RBFOX3: variants seen among roughly 807,000 people sequenced by gnomAD.
RBFOX3 encodes the protein RNA binding fox-1 homolog 3, also known as RNA binding protein fox-1 homolog 3.
A neutral mutation model predicts 48.7 loss-of-function variants in RBFOX3; 17 were observed. The observed-to-expected ratio is 0.35, with a 90% confidence interval of 0.24 to 0.52. The LOEUF (loss-of-function observed/expected upper bound fraction) is 0.52. RBFOX3 is among the 20% of genes least tolerant of loss of function. RBFOX3 has a pLI of 0.94. For missense variants in RBFOX3, 382 were observed against 497.5 expected (o/e 0.77, Z 2.21); for synonymous variants, 212 against 209.5 (o/e 1.01, Z -0.10).
At position 79,364,833 on chromosome 17, in the gene RBFOX3, G is replaced by A. The variant is rs76004185; in HGVS notation, c.-174-57009C>T. Among the ~76,000 whole-genome samples, 4 of 152,262 alleles carry A rather than the reference G, an allele frequency of 2.6e-5. No homozygotes were observed. In the East Asian group the frequency reaches 7.7e-4, roughly 29 times the overall value. ...CGCATGTGGCCTTACCTACAGCCTG[G>A]GTTGCTCCCTCAGCTGGAGAGGCTA... On this transcript the variant is annotated intron_variant, in intron 2 of 14. Transcript: ENST00000693108. This position sits in a 1 kb window ranked among gnomAD's most constrained non-coding sequence, Gnocchi z 5.1.
chr17:79,595,520 G>A (rs1289504609), intron 1 of RBFOX3, among the ~76,000 whole-genome samples: 1 of 152,186 alleles, frequency 6.6e-6, no homozygotes, highest in Non-Finnish European at 1.5e-5. Context: ...CCACATCCAT[G>A]GAAAGCAGCT....
intron 2 of RBFOX3, among the ~76,000 whole-genome samples, chr17:79,312,867 C>A (rs1366315268): frequency 1.3e-5 from 2 of 152,148 alleles, no homozygotes; most frequent in African/African-American, 4.8e-5. Context: ...AGAGAGCTGG[C>A]AGGAGTGGGA....
At chr17:79,289,678 T>C (rs1156447318) in intron 3 of RBFOX3, among the ~76,000 whole-genome samples, 1 of 152,248 alleles carries the variant, frequency 6.6e-6, no homozygotes, top group Non-Finnish European at 1.5e-5. Flanking sequence ...TTAAAGCTGC[T>C]TCCTGCACTC....
chr17:79,658,906 G>T, the RBFOX3 span, among the ~76,000 whole-genome samples: 1 of 152,230 alleles, frequency 6.6e-6, no homozygotes, highest in Admixed American at 6.5e-5. Flanking sequence ...AGCGCTTCCT[G>T]CACTGGGATA....
intron 4 of RBFOX3, among the ~76,000 whole-genome samples, chr17:79,176,029 AG>A (rs1261006747): frequency 6.6e-6 from 1 of 152,174 alleles, no homozygotes; most frequent in African/African-American, 2.4e-5. Context: ...TGTGAACCCC[AG>A]GAAGGGCAGG....
Position 79,482,015 on chromosome 17 carries a change from C to T in RBFOX3, c.-175+439G>A, listed in dbSNP as rs374367662. Among the ~76,000 whole-genome samples the T allele has an allele frequency of 3.1e-4, 47 of 152,246 alleles. No individual in the cohort carries two copies. Among genetic ancestry groups the T allele is most frequent in the East Asian group, 2.3e-3 (12 of 5,164 alleles). On this transcript the variant is annotated intron_variant, in intron 2 of 14. Coordinates refer to ENST00000693108, the MANE Select transcript of RBFOX3 (RefSeq NM_001350451.2). The surrounding 1 kb of genome is among the most constrained non-coding windows in gnomAD (Gnocchi z 4.1). ...CGGGGTGGGAACAGAGGCATCATGC[C>T]GTCCCCTCTAGAGCCACAGGAAGGC...
At chr17:79,268,592 AC>A (rs2067140067) in intron 3 of RBFOX3, among the ~76,000 whole-genome samples, 1 of 151,740 alleles carries the variant, frequency 6.6e-6, no homozygotes, top group African/African-American at 2.4e-5. Flanking sequence ...CTCCTTTGTG[AC>A]CCCAAGCCCC....
rs2146704686 is a variant in RBFOX3 at position 79,198,013 on chromosome 17, T to G, written c.-34+37753A>C. Reference sequence around the variant, plus strand: ...GCGCGTGCTTCTGATTTCCTAAGCATGCCGAGTGAATCCATCCCGAGTGCC... The same window carrying G: ...GCGCGTGCTTCTGATTTCCTAAGCAGGCCGAGTGAATCCATCCCGAGTGCC... On this transcript the variant is annotated intron_variant, in intron 4 of 14. Transcript: ENST00000693108. The surrounding 1 kb of genome is among the most constrained non-coding windows in gnomAD (Gnocchi z 8.2). Among the ~76,000 whole-genome samples, 1 of 152,274 alleles carries G rather than the reference T, an allele frequency of 6.6e-6. No homozygotes were observed. Among genetic ancestry groups the G allele is most frequent in the East Asian group, 1.9e-4 (1 of 5,174 alleles).
the RBFOX3 span, among the ~76,000 whole-genome samples, chr17:79,632,741 T>TAAA: frequency 2.3e-4 from 29 of 125,468 alleles, no homozygotes; most frequent in African/African-American, 5.9e-4. Context: ...ACGTATCTAC[T>TAAA]AAAAAAAAAA....
At chr17:79,632,246 G>A in the RBFOX3 span, among the ~76,000 whole-genome samples, 11 of 152,116 alleles carry the variant, frequency 7.2e-5, no homozygotes, top group Admixed American at 2.0e-4. Context: ...CGTTGTAGAC[G>A]GGTTTTCCAT....
intron 1 of RBFOX3, among the ~76,000 whole-genome samples, chr17:79,520,510 C>T (rs1267562635): frequency 3.3e-5 from 5 of 152,200 alleles, no homozygotes; most frequent in African/African-American, 9.7e-5. Context: ...CCCATACTCC[C>T]GCACCCAGAC....
intron 1 of RBFOX3, among the ~76,000 whole-genome samples, chr17:79,572,208 C>A (rs1370289467): frequency 6.6e-6 from 1 of 152,164 alleles, no homozygotes; most frequent in Non-Finnish European, 1.5e-5. Flanking sequence ...CCCTAACACA[C>A]CTGCTGCCCA....
chr17:79,370,465 AACAT>A (rs2058367364), intron 2 of RBFOX3, among the ~76,000 whole-genome samples: 1 of 152,014 alleles, frequency 6.6e-6, no homozygotes, highest in African/African-American at 2.4e-5. Context: ...GTCACATACT[AACAT>A]ACACTCACAC....
intron 3 of RBFOX3, among the ~76,000 whole-genome samples, chr17:79,236,211 C>T (rs1433575942): frequency 6.6e-6 from 1 of 152,224 alleles, no homozygotes; most frequent in African/African-American, 2.4e-5. Flanking sequence ...TGGGTTTCCT[C>T]TGCCATGCCG....
chr17:79,405,134 T>C (rs2063370710), intron 2 of RBFOX3, among the ~76,000 whole-genome samples: 2 of 152,126 alleles, frequency 1.3e-5, no homozygotes. Flanking sequence ...CCCCAACATT[T>C]TATCACCAAT....
chr17:79,239,572 C>G (rs184009670), intron 3 of RBFOX3, among the ~76,000 whole-genome samples: 3 of 152,364 alleles, frequency 2.0e-5, no homozygotes, highest in Non-Finnish European at 2.9e-5. Flanking sequence ...CCCACTGCCC[C>G]CAGGAGACGG....
chr17:79,372,360 C>T (rs892726102), intron 2 of RBFOX3, among the ~76,000 whole-genome samples: 1 of 137,534 alleles, frequency 7.3e-6, no homozygotes, highest in South Asian at 2.5e-4. Flanking sequence ...GTCCTACAGG[C>T]CCCACCTCCC....
chr17:79,570,205 T>C (rs911621683), intron 1 of RBFOX3, among the ~76,000 whole-genome samples: 8 of 149,946 alleles, frequency 5.3e-5, no homozygotes, highest in Non-Finnish European at 7.4e-5. Context: ...GGATAGTAGA[T>C]GGATGGATGG....
At chr17:79,266,965 G>A (rs1460848405) in intron 3 of RBFOX3, among the ~76,000 whole-genome samples, 1 of 152,174 alleles carries the variant, frequency 6.6e-6, no homozygotes, top group Non-Finnish European at 1.5e-5. Flanking sequence ...TGAGTTCTGT[G>A]AGATGTTCTA....
Sources: allele counts gnomAD v4.1 joint callset (sites outside exome capture counted in the v4.1 genomes callset), GRCh38; gene constraint gnomAD v4.1.1; non-coding constraint Gnocchi (gnomAD v3.1); transcripts MANE v1.5; gene names NCBI Gene and HGNC (gene_info 2026-07-23, HGNC 2026-07-21).